SOX5: variants seen among roughly 807,000 people sequenced by gnomAD.
SOX5 encodes the protein transcription factor SOX-5.
SOX5 carries 9 observed loss-of-function variants against 92.0 expected under a neutral mutation model. That is an observed-to-expected ratio of 0.10 (90% confidence interval 0.06 to 0.17). SOX5 has a LOEUF of 0.17. SOX5 is among the 10% of genes least tolerant of loss of function. The pLI is 1.00. For synonymous variants in SOX5, 344 were observed against 336.3 expected (o/e 1.02, Z -0.25); for missense variants, 642 against 944.5 (o/e 0.68, Z 4.20).
intron 1 of SOX5, among the ~76,000 whole-genome samples, chr12:24,561,027 C>T (rs1391534866): frequency 6.6e-6 from 1 of 152,234 alleles, no homozygotes; most frequent in Non-Finnish European, 1.5e-5. Flanking sequence ...TTCCCTTGGT[C>T]CTGCCCTTGG....
intron 11 of SOX5, among the ~76,000 whole-genome samples, chr12:23,549,825 G>T (rs1448738900): frequency 6.6e-6 from 1 of 151,830 alleles, no homozygotes; most frequent in Non-Finnish European, 1.5e-5. Context: ...GAAACATTAG[G>T]TTAAGTCTGT....
intron 13 of SOX5, among the ~76,000 whole-genome samples, chr12:23,538,064 C>T (rs1941003829): frequency 6.6e-6 from 1 of 151,990 alleles, no homozygotes; most frequent in Non-Finnish European, 1.5e-5. Flanking sequence ...CTAGGATATC[C>T]CTACCAAATG....
intron 4 of SOX5, among the ~76,000 whole-genome samples, chr12:24,179,278 A>G (rs1324985858): frequency 6.6e-6 from 1 of 152,208 alleles, no homozygotes; most frequent in Non-Finnish European, 1.5e-5. Context: ...GTGCCCTGGT[A>G]TGTTACCTTG....
chr12:24,129,163 T>C (rs1949402378), intron 4 of SOX5, among the ~76,000 whole-genome samples: 1 of 152,180 alleles, frequency 6.6e-6, no homozygotes, highest in Non-Finnish European at 1.5e-5. Flanking sequence ...AGAGAAAATA[T>C]TGAAAATACA....
chr12:24,182,252 A>G (rs925177336), intron 4 of SOX5, among the ~76,000 whole-genome samples: 1 of 152,234 alleles, frequency 6.6e-6, no homozygotes, highest in African/African-American at 2.4e-5. Flanking sequence ...TATAGAATTT[A>G]AAGGGGATAA....
chr12:23,702,488 C>T (rs1318975871), intron 6 of SOX5, among the ~76,000 whole-genome samples: 1 of 151,978 alleles, frequency 6.6e-6, no homozygotes, highest in Non-Finnish European at 1.5e-5. Context: ...CTAGAGAAAC[C>T]ATATTTTACT....
intron 4 of SOX5, among the ~76,000 whole-genome samples, chr12:23,994,692 G>C (rs1475642098): frequency 6.6e-6 from 1 of 152,022 alleles, no homozygotes. Context: ...GGAGGAGAGA[G>C]GAGAGCTCTA....
chr12:24,160,074 A>G (rs1408805384), intron 4 of SOX5, among the ~76,000 whole-genome samples: 1 of 152,116 alleles, frequency 6.6e-6, no homozygotes, highest in Non-Finnish European at 1.5e-5. Context: ...ATAGAAAAAA[A>G]AAATTAACAT....
intron 3 of SOX5, among the ~76,000 whole-genome samples, chr12:23,780,267 A>G (rs1177387666): frequency 1.3e-5 from 2 of 152,004 alleles, no homozygotes; most frequent in African/African-American, 4.8e-5. Context: ...ATTTTCTATT[A>G]CAAGACTACA....
chr12:24,127,462 T>A (rs909063510), intron 4 of SOX5, among the ~76,000 whole-genome samples: 1 of 151,862 alleles, frequency 6.6e-6, no homozygotes, highest in African/African-American at 2.4e-5. Context: ...CTCATTATCT[T>A]ATTAATGCTA....
chr12:24,360,042 G>A (rs1421439046), intron 2 of SOX5, among the ~76,000 whole-genome samples: 1 of 152,184 alleles, frequency 6.6e-6, no homozygotes, highest in Non-Finnish European at 1.5e-5. Flanking sequence ...GGGAGAAGCT[G>A]AATAAAATAA....
intron 9 of SOX5, among the ~76,000 whole-genome samples, chr12:23,602,548 G>A (rs1466652103): frequency 1.3e-5 from 2 of 151,858 alleles, no homozygotes; most frequent in African/African-American, 2.4e-5. Flanking sequence ...GTAGGTGTAA[G>A]AAAAAAATCC....
At chr12:24,324,054 G>C (rs1950451247) in intron 2 of SOX5, among the ~76,000 whole-genome samples, 1 of 152,144 alleles carries the variant, frequency 6.6e-6, no homozygotes, top group African/African-American at 2.4e-5. Flanking sequence ...GTCCTTTGCT[G>C]TCAGTTGCTC....
At position 24,403,725 on chromosome 12, in the gene SOX5, A is replaced by G. The variant is rs145949153; in HGVS notation, c.-250-35086T>C. Among the ~76,000 whole-genome samples the G allele has an allele frequency of 2.2e-3, 335 of 152,356 alleles. 4 individuals are homozygous for G. The highest frequency in any genetic ancestry group is 7.8e-3 in the African/African-American group (325 of 41,586). Reference sequence around the variant, plus strand: ...CACGGTTAGATCCCTGTACACAATTAGCTAAATAAATATCATTAGTGCAGC... The same window carrying G: ...CACGGTTAGATCCCTGTACACAATTGGCTAAATAAATATCATTAGTGCAGC... On this transcript the variant is annotated intron_variant, in intron 1 of 4. Transcript: ENST00000446891.
At chr12:23,653,292 CT>C (rs1301895047) in intron 7 of SOX5, among the ~76,000 whole-genome samples, 4 of 150,850 alleles carry the variant, frequency 2.7e-5, no homozygotes, top group Admixed American at 6.6e-5. Context: ...GGTCTTTAGG[CT>C]TTTTTTTTCT....
chr12:23,945,704 G>A (rs759239631), intron 1 of SOX5, among the ~76,000 whole-genome samples: 3 of 152,048 alleles, frequency 2.0e-5, no homozygotes, highest in Non-Finnish European at 4.4e-5. Flanking sequence ...TCCTGAAAAC[G>A]TAAAATCAAA....
chr12:23,948,998 T>G (rs958601936), intron 1 of SOX5, among the ~76,000 whole-genome samples: 1 of 152,102 alleles, frequency 6.6e-6, no homozygotes, highest in Non-Finnish European at 1.5e-5. Context: ...TAGGGAGTAA[T>G]CTAATATAGC....
intron 9 of SOX5, among the ~76,000 whole-genome samples, chr12:23,577,841 G>T (rs2136763192): frequency 6.6e-6 from 1 of 151,610 alleles, no homozygotes; most frequent in East Asian, 2.0e-4. Flanking sequence ...AGGGGCAATG[G>T]CTGGGTGCAG....
In SOX5 at chr12:24,330,277, A is replaced by T. The variant is rs148915404; in HGVS notation, c.-174+38286T>A. Among the ~76,000 whole-genome samples the T allele has an allele frequency of 1.7e-3, 257 of 152,328 alleles. 3 individuals carry two copies. Among genetic ancestry groups the T allele is most frequent in the African/African-American group, 5.8e-3 (240 of 41,568 alleles). On this transcript the variant is annotated intron_variant, in intron 2 of 4. Transcript: ENST00000446891. ...CCCTGTTGAGGGAAAAGAAAAACTT[A>T]GGTTGGCTTAAGAAACAAATTCAAT...
Sources: gnomAD v4.1 joint callset for allele counts (sites outside exome capture counted in the v4.1 genomes callset) on GRCh38, gnomAD v4.1.1 for gene constraint, MANE v1.5 for transcripts, NCBI Gene and HGNC (gene_info 2026-07-23, HGNC 2026-07-21) for gene names.